ALK: variants seen among roughly 807,000 people sequenced by gnomAD.
The protein encoded by ALK is ALK tyrosine kinase receptor.
In ALK, 74 loss-of-function variants were observed where a neutral mutation model predicts 163.1. That is an observed-to-expected ratio of 0.45 (90% CI 0.38 to 0.55). The LOEUF is 0.55. ALK is among the 20% of genes least tolerant of loss of function. ALK has a pLI of 0.00. For synonymous variants in ALK, 960 were observed against 843.2 expected, an observed-to-expected ratio of 1.14 and a Z score of -2.40; for missense variants, 2,063 against 2,105.3, an observed-to-expected ratio of 0.98 and a Z score of 0.39.
At chr2:29,629,617 T>C (rs952690071) in intron 3 of ALK, among the ~76,000 whole-genome samples, 1 of 152,214 alleles carries the variant, frequency 6.6e-6, no homozygotes, top group African/African-American at 2.4e-5. Context: ...GCATTTTCTG[T>C]CCACTTATTA....
At chr2:29,662,391 G>T (rs1358777911) in intron 3 of ALK, among the ~76,000 whole-genome samples, 1 of 152,070 alleles carries the variant, frequency 6.6e-6, no homozygotes, top group Non-Finnish European at 1.5e-5. Context: ...TCAGATTCAT[G>T]AATTGTCTCA....
chr2:29,870,242 TAA>T (rs1235086915), intron 1 of ALK, among the ~76,000 whole-genome samples: 3 of 152,226 alleles, frequency 2.0e-5, no homozygotes, highest in Non-Finnish European at 2.9e-5. Flanking sequence ...AGAGGTTTAA[TAA>T]GCTCATAGTT....
intron 1 of ALK, among the ~76,000 whole-genome samples, chr2:29,788,679 A>G (rs995587419): frequency 6.6e-6 from 1 of 152,202 alleles, no homozygotes; most frequent in Admixed American, 6.5e-5. Context: ...AATAGAACAG[A>G]AAGGGACAGG....
chr2:29,605,587 G>A (rs1675521286), intron 3 of ALK, among the ~76,000 whole-genome samples: 1 of 152,158 alleles, frequency 6.6e-6, no homozygotes, highest in Admixed American at 6.5e-5. Flanking sequence ...GACAAAGGGA[G>A]ACCAGAGCTT....
chr2:29,532,436 T>A (rs1673147333), intron 3 of ALK, among the ~76,000 whole-genome samples: 1 of 152,232 alleles, frequency 6.6e-6, no homozygotes, highest in African/African-American at 2.4e-5. Flanking sequence ...TAAAAACATC[T>A]ATTTCAAAAG....
At chr2:29,684,614 A>C (rs1338047745) in intron 3 of ALK, among the ~76,000 whole-genome samples, 2 of 152,220 alleles carry the variant, frequency 1.3e-5, no homozygotes, top group East Asian at 3.8e-4. Flanking sequence ...CTCTGAAGAC[A>C]CGGCACTTCC....
At chr2:29,274,120 G>A (rs1045796223) in intron 11 of ALK, among the ~76,000 whole-genome samples, 1 of 152,226 alleles carries the variant, frequency 6.6e-6, no homozygotes, top group Non-Finnish European at 1.5e-5. Flanking sequence ...GGTTAGCCCT[G>A]GGGCAGCTTT....
At chr2:29,899,794 C>T (rs925260773) in intron 1 of ALK, 1 of 151,168 alleles carries the variant, frequency 6.6e-6, no homozygotes, top group African/African-American at 2.4e-5. Context: ...CCACTGCACT[C>T]CAGCCTGGGC....
intron 3 of ALK, among the ~76,000 whole-genome samples, chr2:29,646,872 C>T (rs1676890398): frequency 6.6e-6 from 1 of 152,156 alleles, no homozygotes; most frequent in Non-Finnish European, 1.5e-5. Context: ...ACATATTGTA[C>T]ATTTTGCTTA....
intron 3 of ALK, among the ~76,000 whole-genome samples, chr2:29,583,212 C>T (rs1473466588): frequency 6.6e-6 from 1 of 152,062 alleles, no homozygotes; most frequent in Non-Finnish European, 1.5e-5. Context: ...AGAAACTGTT[C>T]CTTCCACTAC....
intron 8 of ALK, among the ~76,000 whole-genome samples, chr2:29,307,505 A>G (rs980850862): frequency 2.0e-5 from 3 of 152,222 alleles, no homozygotes; most frequent in Admixed American, 2.0e-4. Context: ...AATTGTCATC[A>G]GGAACATCTC....
chr2:29,644,244 G>C (rs1303134794), intron 3 of ALK, among the ~76,000 whole-genome samples: 1 of 111,316 alleles, frequency 9.0e-6, no homozygotes, highest in Non-Finnish European at 1.7e-5. Context: ...ACTGGGGCCT[G>C]TTGCGGGGTG....
intron 23 of ALK, 90 bp from the exon 24 acceptor site, chr2:29,214,171 G>A (rs1669539327): frequency 2.7e-6 from 3 of 1,100,396 alleles, no homozygotes; most frequent in African/African-American, 3.1e-5. Context: ...CTCACAAGGA[G>A]GCAGACCGTG....
At chr2:29,436,558 A>G (rs186626526) in intron 4 of ALK, among the ~76,000 whole-genome samples, 3 of 152,370 alleles carry the variant, frequency 2.0e-5, no homozygotes, top group Non-Finnish European at 4.4e-5. Context: ...AGCAGGTATC[A>G]AGAGTTCATC....
intron 8 of ALK, among the ~76,000 whole-genome samples, chr2:29,303,093 G>T (rs911691567): frequency 1.3e-5 from 2 of 152,018 alleles, no homozygotes; most frequent in African/African-American, 4.8e-5. Context: ...CTACAGAATG[G>T]GAGAAAATAT....
chr2:29,244,175 G>A (rs777197495), intron 12 of ALK, among the ~76,000 whole-genome samples: 2 of 152,190 alleles, frequency 1.3e-5, no homozygotes, highest in East Asian at 1.9e-4. Context: ...ATTCCTTTCC[G>A]GCACACCCTC....
intron 4 of ALK, among the ~76,000 whole-genome samples, chr2:29,443,529 A>G (rs1438421070): frequency 6.6e-6 from 1 of 152,046 alleles, no homozygotes; most frequent in Non-Finnish European, 1.5e-5. Context: ...GTTTAATACA[A>G]TTCTGGGTTT....
intron 11 of ALK, among the ~76,000 whole-genome samples, chr2:29,260,849 CA>C (rs11300686): frequency 0.71 from 106,552 of 149,532 alleles, 39,218 homozygotes; most frequent in Non-Finnish European, 0.8. Context: ...CAAAACAAAA[CA>C]AAAAAAAAAA....
Position 29,620,584 on chromosome 2 carries a change from C to T in ALK, c.952+74266G>A, listed in dbSNP as rs1044257744. ...GAGTCGGGGCCCTGGATTCTAGACC[C>T]GGCTCTGCCATTCAGCAGCTGCATG... On this transcript the variant is annotated intron_variant, in intron 3 of 28. Transcript: ENST00000389048. Among the ~76,000 whole-genome samples, 7 of 152,048 alleles carry T rather than the reference C, an allele frequency of 4.6e-5. No homozygotes were observed. The South Asian group carries it at 6.2e-4, about 14-fold the overall frequency.
Sources: allele counts gnomAD v4.1 joint callset (sites outside exome capture counted in the v4.1 genomes callset), GRCh38; gene constraint gnomAD v4.1.1; transcripts MANE v1.5; gene names NCBI Gene and HGNC (gene_info 2026-07-23, HGNC 2026-07-21).